The following CNTN5 variants were observed in gnomAD, a reference collection of about 807,000 sequenced individuals.
The protein encoded by CNTN5 is contactin-5.
A neutral mutation model predicts 129.1 loss-of-function variants in CNTN5; 77 were observed. The ratio of observed to expected loss-of-function variants is 0.60; its 90% CI spans 0.50 to 0.72. The LOEUF is 0.72. CNTN5 is among the 30% of genes least tolerant of loss of function. The pLI is 0.00. For missense variants in CNTN5, 1,478 were observed against 1,328.8 expected (o/e 1.11, Z -1.75); for synonymous variants, 509 against 465.6 (o/e 1.09, Z -1.20).
At chr11:100,272,289 C>G (rs1950420972) in intron 18 of CNTN5, among the ~76,000 whole-genome samples, 1 of 152,128 alleles carries the variant, frequency 6.6e-6, no homozygotes. Context: ...TTATGTCCCC[C>G]TACACACACC....
chr11:99,421,136 G>GTT (rs60013434), intron 2 of CNTN5, among the ~76,000 whole-genome samples: 5 of 141,586 alleles, frequency 3.5e-5, no homozygotes, highest in Non-Finnish European at 3.1e-5. Context: ...ATTCATTGAG[G>GTT]TTTTTTTTTT....
At chr11:99,147,808 G>T (rs1859860267) in intron 1 of CNTN5, among the ~76,000 whole-genome samples, 1 of 152,048 alleles carries the variant, frequency 6.6e-6, no homozygotes, top group Admixed American at 6.6e-5. Flanking sequence ...GAGACCTATT[G>T]TGTCATTTAT....
chr11:100,222,011 C>T (rs1949275832), intron 15 of CNTN5, among the ~76,000 whole-genome samples: 1 of 152,130 alleles, frequency 6.6e-6, no homozygotes, highest in Admixed American at 6.6e-5. Flanking sequence ...ATAATGGGCT[C>T]CCACATGAAT....
intron 2 of CNTN5, among the ~76,000 whole-genome samples, chr11:99,379,604 G>T (rs1416397501): frequency 6.6e-6 from 1 of 152,106 alleles, no homozygotes; most frequent in Non-Finnish European, 1.5e-5. Context: ...TATTTTTAAA[G>T]TTTTAATAAA....
intron 9 of CNTN5, among the ~76,000 whole-genome samples, chr11:100,049,759 A>G (rs1942861717): frequency 6.8e-6 from 1 of 147,724 alleles, no homozygotes; most frequent in African/African-American, 2.5e-5. Context: ...ATCTACAATG[A>G]ACTCCAACAA....
intron 13 of CNTN5, among the ~76,000 whole-genome samples, chr11:100,112,674 A>C (rs1213295843): frequency 1.3e-5 from 2 of 152,156 alleles, no homozygotes; most frequent in Non-Finnish European, 2.9e-5. Flanking sequence ...GATAGAGAAT[A>C]GGCAGCGCAC....
chr11:99,317,913 T>A (rs1203827847), intron 1 of CNTN5, among the ~76,000 whole-genome samples: 1 of 152,148 alleles, frequency 6.6e-6, no homozygotes. Flanking sequence ...TTTTTAATTT[T>A]ATAACAACTG....
At chr11:99,784,391 C>G (rs1945434472) in intron 3 of CNTN5, among the ~76,000 whole-genome samples, 1 of 151,874 alleles carries the variant, frequency 6.6e-6, no homozygotes, top group Non-Finnish European at 1.5e-5. Flanking sequence ...TGAGTGAGAA[C>G]ATGCGGTGTT....
intron 3 of CNTN5, among the ~76,000 whole-genome samples, chr11:99,600,376 C>T (rs1242680655): frequency 1.3e-5 from 2 of 152,170 alleles, no homozygotes; most frequent in Admixed American, 6.5e-5. Context: ...ATGCAACTTA[C>T]ATAAAAATTA....
At chr11:99,229,457 G>A (rs1225528371) in intron 1 of CNTN5, among the ~76,000 whole-genome samples, 1 of 147,244 alleles carries the variant, frequency 6.8e-6, no homozygotes, top group African/African-American at 2.5e-5. Flanking sequence ...CCTCAGTCGT[G>A]AAGTTTGAAA....
chr11:99,111,392 T>C (rs1857789118), intron 1 of CNTN5, among the ~76,000 whole-genome samples: 1 of 151,982 alleles, frequency 6.6e-6, no homozygotes, highest in Non-Finnish European at 1.5e-5. Flanking sequence ...ACAAATTCTG[T>C]CCTGATTTTA....
At chr11:99,901,751 A>G (rs1949363174) in intron 6 of CNTN5, among the ~76,000 whole-genome samples, 1 of 152,190 alleles carries the variant, frequency 6.6e-6, no homozygotes, top group African/African-American at 2.4e-5. Flanking sequence ...TAATAAAGGA[A>G]AAAGCTGTGA....
chr11:99,658,888 CAAAA>C (rs10673721), intron 3 of CNTN5, among the ~76,000 whole-genome samples: 3 of 119,224 alleles, frequency 2.5e-5, no homozygotes, highest in South Asian at 6.0e-4. Flanking sequence ...AACTCTGTCT[CAAAA>C]AAAAAAAAAA....
At chr11:100,018,862 A>G (rs1403417062) in intron 9 of CNTN5, among the ~76,000 whole-genome samples, 1 of 151,940 alleles carries the variant, frequency 6.6e-6, no homozygotes, top group African/African-American at 2.4e-5. Flanking sequence ...ATGCCATTTA[A>G]TATGCATGTA....
intron 15 of CNTN5, among the ~76,000 whole-genome samples, chr11:100,197,805 C>T (rs1223494983): frequency 1.3e-5 from 2 of 151,992 alleles, no homozygotes; most frequent in African/African-American, 4.8e-5. Flanking sequence ...ATATCTCACG[C>T]ATTTGTTGTC....
intron 1 of CNTN5, among the ~76,000 whole-genome samples, chr11:99,079,181 TG>T (rs2135275625): frequency 6.6e-6 from 1 of 152,272 alleles, no homozygotes; most frequent in East Asian, 1.9e-4. Context: ...ATAATTTTAA[TG>T]GTACATAATT....
At chr11:99,817,676 G>T (rs1366689202) in intron 3 of CNTN5, among the ~76,000 whole-genome samples, 1 of 137,640 alleles carries the variant, frequency 7.3e-6, no homozygotes, top group Admixed American at 8.2e-5. Flanking sequence ...ATTGCACTGA[G>T]AAATGAATAC....
chr11:99,199,014 T>C (rs1326994317), intron 1 of CNTN5, among the ~76,000 whole-genome samples: 2 of 152,048 alleles, frequency 1.3e-5, no homozygotes, highest in Non-Finnish European at 2.9e-5. Flanking sequence ...GAAGGAGGAA[T>C]AAAGAAGGAA....
chr11:99,448,448 G>A (rs941111914), intron 2 of CNTN5, among the ~76,000 whole-genome samples: 1 of 151,998 alleles, frequency 6.6e-6, no homozygotes, highest in Non-Finnish European at 1.5e-5. Context: ...AACTTGTGGA[G>A]AAAAGTAATA....
Sources: gnomAD v4.1 joint callset for allele counts (sites outside exome capture counted in the v4.1 genomes callset) on GRCh38, gnomAD v4.1.1 for gene constraint, MANE v1.5 for transcripts, NCBI Gene and HGNC (gene_info 2026-07-23, HGNC 2026-07-21) for gene names.